PVT1: variants seen among roughly 807,000 people sequenced by gnomAD.
The protein encoded by PVT1 is Pvt1 oncogene.
chr8:127,841,983 CA>C (rs146746796), intron 2 of PVT1, among the ~76,000 whole-genome samples: 45,303 of 151,862 alleles, frequency 0.3, 7,620 homozygotes, highest in Non-Finnish European at 0.38. Context: ...CTCGGCCTCC[CA>C]AAGTGCTTGG....
At chr8:128,066,898 A>C (rs1160029536) in intron 4 of PVT1, among the ~76,000 whole-genome samples, 1 of 152,062 alleles carries the variant, frequency 6.6e-6, no homozygotes, top group African/African-American at 2.4e-5. Flanking sequence ...TGACCCTAAC[A>C]CACCCTCCCT....
intron 4 of PVT1, among the ~76,000 whole-genome samples, chr8:128,065,334 GGC>G (rs1219270353): frequency 3.9e-5 from 6 of 152,090 alleles, no homozygotes; most frequent in Admixed American, 2.6e-4. Flanking sequence ...TGGGATTACA[GGC>G]ACACGCCACC....
At chr8:128,079,021 T>C (rs542155301) in intron 5 of PVT1, among the ~76,000 whole-genome samples, 83 of 144,948 alleles carry the variant, frequency 5.7e-4, no homozygotes, top group African/African-American at 2.0e-3. Flanking sequence ...TTTTTTTTTT[T>C]ACATAGTTGT....
intron 2 of PVT1, among the ~76,000 whole-genome samples, chr8:127,830,732 C>G (rs912177973): frequency 7.2e-5 from 11 of 151,856 alleles, no homozygotes; most frequent in Non-Finnish European, 1.6e-4. Flanking sequence ...AGGGTGTTGC[C>G]AAAGGAGATT....
intron 3 of PVT1, among the ~76,000 whole-genome samples, chr8:127,987,229 C>G (rs1816979966): frequency 6.6e-6 from 1 of 152,188 alleles, no homozygotes; most frequent in African/African-American, 2.4e-5. Flanking sequence ...TACAGACTGC[C>G]TCTTCTGCGC....
At chr8:128,033,986 C>T (rs1359587996) in intron 4 of PVT1, among the ~76,000 whole-genome samples, 1 of 151,978 alleles carries the variant, frequency 6.6e-6, no homozygotes, top group Non-Finnish European at 1.5e-5. Context: ...GGCTGGGCAA[C>T]CATCTGCCTT....
intron 4 of PVT1, among the ~76,000 whole-genome samples, chr8:128,051,526 T>G (rs1195536734): frequency 1.3e-5 from 2 of 152,236 alleles, no homozygotes; most frequent in African/African-American, 2.4e-5. Context: ...TTAAATAAAC[T>G]TTCTATCACC....
intron 5 of PVT1, among the ~76,000 whole-genome samples, chr8:128,077,095 T>TA (rs1318354007): frequency 6.6e-6 from 1 of 152,182 alleles, no homozygotes; most frequent in African/African-American, 2.4e-5. Flanking sequence ...GGGCAAGAGT[T>TA]ATGGCTCCCT....
chr8:127,946,335 G>A (rs1430638585), intron 3 of PVT1, among the ~76,000 whole-genome samples: 2 of 152,228 alleles, frequency 1.3e-5, no homozygotes, highest in Non-Finnish European at 2.9e-5. Flanking sequence ...ATAGTCTAGT[G>A]GAGGAAGGGG....
At position 128,033,726 on chromosome 8, in the gene PVT1, G is replaced by A. The variant is rs1354417413; in HGVS notation, n.913-36434G>A. 4.6e-5 allele frequency among the ~76,000 whole-genome samples: 7 copies of A among 152,282 alleles called. 1 individual carries two copies. In the East Asian group the frequency reaches 1.2e-3, roughly 25 times the overall value. ...GACTTGGGGCTCTGATTTTAACAAT[G>A]GCCTTGAAGTAAGGCATTCCTCCTT... is the stretch of plus-strand genomic sequence containing the variant. On this transcript the variant is annotated intron_variant and non_coding_transcript_variant, in intron 4 of 10. Coordinates refer to ENST00000651587, the Ensembl canonical transcript of PVT1.
At chr8:127,964,393 A>C (rs1235442333) in intron 3 of PVT1, among the ~76,000 whole-genome samples, 1 of 152,206 alleles carries the variant, frequency 6.6e-6, no homozygotes, top group Non-Finnish European at 1.5e-5. Context: ...TGGGAGCAGA[A>C]CTGGAGGATG....
chr8:127,873,515 T>C (rs1004038499), intron 2 of PVT1, among the ~76,000 whole-genome samples: 8 of 152,200 alleles, frequency 5.3e-5, no homozygotes, highest in Admixed American at 5.2e-4. Context: ...AATATCTATT[T>C]CATGTTTTTT....
At chr8:128,090,891 G>A (rs1043911954) in intron 5 of PVT1, among the ~76,000 whole-genome samples, 2 of 152,016 alleles carry the variant, frequency 1.3e-5, no homozygotes, top group African/African-American at 2.4e-5. Flanking sequence ...ACCTTCCTGC[G>A]GCATGGAGGT....
At position 127,973,904 on chromosome 8, in the gene PVT1, C is replaced by T. The variant is rs557599523; in HGVS notation, n.783-15258C>T. Among the ~76,000 whole-genome samples the T allele has an allele frequency of 3.8e-4, 57 of 151,446 alleles. No individual in the cohort carries two copies. In the East Asian group the frequency reaches 9.2e-3, roughly 24 times the overall value. The stretch of plus-strand genomic sequence containing the variant: ...CTGAGGCAGGAGAATGGCGTGAACC[C>T]GGGAGGAGGAGCTTGCAGTGAGCCG... On this transcript the variant is annotated intron_variant and non_coding_transcript_variant, in intron 3 of 10. Coordinates refer to ENST00000651587, the Ensembl canonical transcript of PVT1.
exon 3 of PVT1, chr8:127,890,814 C>T (rs1563631665): frequency 6.6e-6 from 1 of 152,298 alleles, no homozygotes; most frequent in Non-Finnish European, 1.5e-5. Flanking sequence ...CTGAATGCCT[C>T]ATGGATTCTT....
At chr8:127,807,849 G>A (rs957777918) in intron 2 of PVT1, among the ~76,000 whole-genome samples, 1 of 149,106 alleles carries the variant, frequency 6.7e-6, no homozygotes, top group Non-Finnish European at 1.5e-5. Flanking sequence ...CTCACCGCAA[G>A]CTCCGCCTCC....
intron 5 of PVT1, among the ~76,000 whole-genome samples, chr8:128,094,062 T>C (rs2648901): frequency 0.2 from 31,070 of 152,068 alleles, 3,544 homozygotes; most frequent in East Asian, 0.42. Context: ...CTTAATGCCA[T>C]GTCAGCAGCA....
chr8:127,859,027 T>TC (rs1242235316), intron 2 of PVT1, among the ~76,000 whole-genome samples: 4 of 151,984 alleles, frequency 2.6e-5, no homozygotes, highest in Non-Finnish European at 5.9e-5. Flanking sequence ...AGGCTGGTCT[T>TC]CAACTCCAGA....
intron 2 of PVT1, among the ~76,000 whole-genome samples, chr8:127,849,105 G>A (rs1010890877): frequency 1.3e-5 from 2 of 152,160 alleles, no homozygotes; most frequent in African/African-American, 4.8e-5. Context: ...TGGTGCCCTG[G>A]CTCAGTAGGA....
Sources: gnomAD v4.1 joint callset for allele counts (sites outside exome capture counted in the v4.1 genomes callset) on GRCh38, gnomAD v4.1.1 for gene constraint, MANE v1.5 for transcripts, NCBI Gene and HGNC (gene_info 2026-07-23, HGNC 2026-07-21) for gene names.